Variants in PTH2R observed in about 807,000 individuals in gnomAD.
PTH2R encodes the protein parathyroid hormone 2 receptor, also known as PTH2 receptor.
In PTH2R, 59 loss-of-function variants were observed where a neutral mutation model predicts 60.3. The observed-to-expected ratio is 0.98, with a 90% CI of 0.79 to 1.22. The LOEUF is 1.22. Among genes scored for constraint, PTH2R ranks in the 50% most tolerant of loss-of-function variants. PTH2R has a pLI of 0.00. For synonymous variants in PTH2R, 256 were observed against 243.8 expected (o/e 1.05, Z -0.47); for missense variants, 749 against 682.6 (o/e 1.10, Z -1.08).
chr2:208,476,303 T>C (rs1443150924), intron 9 of PTH2R, among the ~76,000 whole-genome samples: 1 of 152,198 alleles, frequency 6.6e-6, no homozygotes, highest in African/African-American at 2.4e-5. Flanking sequence ...TAAAATTTAA[T>C]CTCTGATCAT....
intron 2 of PTH2R, among the ~76,000 whole-genome samples, chr2:208,435,310 A>G (rs553660634): frequency 1.1e-4 from 16 of 152,322 alleles, no homozygotes; most frequent in African/African-American, 3.4e-4. Flanking sequence ...CCCTCCAAGG[A>G]TGTCCATGCC....
At chr2:208,362,109 C>T (rs1346788850) in intron 1 of PTH2R, among the ~76,000 whole-genome samples, 1 of 152,230 alleles carries the variant, frequency 6.6e-6, no homozygotes, top group African/African-American at 2.4e-5. Context: ...TGCCATCAGA[C>T]ATCAGAGCTT....
At chr2:208,365,942 ATATATATATATATATATATTTTTT>A (rs1700574416) in intron 1 of PTH2R, among the ~76,000 whole-genome samples, 5 of 14,712 alleles carry the variant, frequency 3.4e-4, no homozygotes, top group African/African-American at 8.5e-4. Context: ...ATATATATAT[ATATATATATATATATATATTTTTT>A]TTTTTTTTTT....
intron 9 of PTH2R, among the ~76,000 whole-genome samples, chr2:208,467,930 A>G (rs1481577995): frequency 6.6e-6 from 1 of 152,200 alleles, no homozygotes; most frequent in East Asian, 1.9e-4. Flanking sequence ...AGGAAAGTGA[A>G]ATCTCTTCCC....
At chr2:208,367,604 A>G (rs1241963802) in intron 1 of PTH2R, among the ~76,000 whole-genome samples, 1 of 151,946 alleles carries the variant, frequency 6.6e-6, no homozygotes, top group African/African-American at 2.4e-5. Context: ...TCCTGACCTC[A>G]GGTGATCTGC....
chr2:208,468,889 CA>C (rs1364798711), intron 9 of PTH2R, among the ~76,000 whole-genome samples: 1 of 152,026 alleles, frequency 6.6e-6, no homozygotes, highest in Non-Finnish European at 1.5e-5. Flanking sequence ...ACAGAATGAC[CA>C]CTCAATAAAT....
intron 1 of PTH2R, among the ~76,000 whole-genome samples, chr2:208,418,176 TAGA>T (rs1258615492): frequency 2.0e-5 from 3 of 151,806 alleles, no homozygotes; most frequent in Admixed American, 6.6e-5. Context: ...TAGAAATGAA[TAGA>T]AGAATTATGC....
chr2:208,453,221 C>T (rs1186621141), intron 8 of PTH2R, among the ~76,000 whole-genome samples: 1 of 152,140 alleles, frequency 6.6e-6, no homozygotes, highest in African/African-American at 2.4e-5. Context: ...CAACAATTCC[C>T]ATTTTTTGTT....
chr2:208,368,461 C>T (rs1276077853), intron 1 of PTH2R, among the ~76,000 whole-genome samples: 1 of 152,186 alleles, frequency 6.6e-6, no homozygotes. Flanking sequence ...TGCTGTTCCT[C>T]TACATTGGTA....
chr2:208,480,641 C>A (rs1292711344), intron 9 of PTH2R, among the ~76,000 whole-genome samples: 6 of 152,174 alleles, frequency 3.9e-5, no homozygotes, highest in African/African-American at 7.2e-5. Context: ...TCACCCAATA[C>A]TTTTCATACA....
At position 208,397,528 on chromosome 2, in the gene PTH2R, A is replaced by C. The variant is rs934882356; in HGVS notation, c.-258-30673A>C. ...GTGGCTTTAGGGAGTGGAGAATTGTAATAGGCAAGAAAGAAGGAAGAGGCT... is the reference window on the plus strand; with the variant it reads ...GTGGCTTTAGGGAGTGGAGAATTGTCATAGGCAAGAAAGAAGGAAGAGGCT... On this transcript the variant is annotated intron_variant, in intron 1 of 12. Transcript: ENST00000617735. 3.3e-5 allele frequency among the ~76,000 whole-genome samples: 5 copies of C among 152,284 alleles called. No homozygotes were observed. The East Asian group carries it at 7.7e-4, about 24-fold the overall frequency.
intron 1 of PTH2R, among the ~76,000 whole-genome samples, chr2:208,368,603 A>T (rs1401804903): frequency 6.6e-6 from 1 of 152,158 alleles, no homozygotes; most frequent in Non-Finnish European, 1.5e-5. Context: ...TGGCCACCTT[A>T]AATAGTTAAT....
At chr2:208,420,541 T>G (rs1676328595) in intron 1 of PTH2R, among the ~76,000 whole-genome samples, 2 of 152,190 alleles carry the variant, frequency 1.3e-5, no homozygotes, top group Non-Finnish European at 2.9e-5. Context: ...ATAATTAACT[T>G]AAAATTTAAT....
intron 9 of PTH2R, among the ~76,000 whole-genome samples, chr2:208,477,334 G>A (rs139008013): frequency 2.5e-4 from 38 of 152,306 alleles, no homozygotes; most frequent in African/African-American, 8.9e-4. Flanking sequence ...GAGAGTAAAC[G>A]ATCCAGGCAA....
chr2:208,480,769 C>G (rs1276396832), intron 9 of PTH2R, among the ~76,000 whole-genome samples: 2 of 152,126 alleles, frequency 1.3e-5, no homozygotes, highest in Non-Finnish European at 2.9e-5. Context: ...AACTATTACC[C>G]TTTGTCCTGC....
intron 8 of PTH2R, among the ~76,000 whole-genome samples, chr2:208,453,946 GA>G (rs1320774216): frequency 6.6e-6 from 1 of 152,046 alleles, no homozygotes; most frequent in African/African-American, 2.4e-5. Context: ...TATATAAACA[GA>G]AAAAAATCTT....
chr2:208,397,177 G>T (rs1047851207), intron 1 of PTH2R, among the ~76,000 whole-genome samples: 3 of 151,970 alleles, frequency 2.0e-5, no homozygotes, highest in African/African-American at 7.2e-5. Flanking sequence ...CTGGGGGAGG[G>T]ATAGCATTAG....
chr2:208,493,792 C>T lies in PTH2R; in HGVS notation c.*133C>T, dbSNP rs535273165. 1.9e-6 allele frequency: 2 copies of T among 1,036,290 alleles called. No individual in the cohort carries two copies. The highest frequency in any genetic ancestry group is 2.7e-6 in the Non-Finnish European group (2 of 749,248). The allele number at this position is 1,036,290 out of a possible 1,614,324, so 64.2% of individuals were successfully genotyped here. A position where few individuals can be genotyped will look rare whatever the true frequency, so the allele number is the denominator to read the frequency against. On this transcript the variant is annotated 3_prime_UTR_variant, in exon 13 of 13. Coordinates refer to ENST00000272847, the MANE Select transcript of PTH2R (RefSeq NM_005048.4). ...GTGTTACTTAATAATAGTTTTTAGGCTCCATGAATTGGCTCCTGTAAATAC... is the reference window on the plus strand; with the variant it reads ...GTGTTACTTAATAATAGTTTTTAGGTTCCATGAATTGGCTCCTGTAAATAC...
chr2:208,409,107 G>T (rs950663806), intron 1 of PTH2R, among the ~76,000 whole-genome samples: 1 of 152,022 alleles, frequency 6.6e-6, no homozygotes, highest in Admixed American at 6.6e-5. Flanking sequence ...TGCTTTACAC[G>T]GATTTCCATT....
Sources: gnomAD v4.1 joint callset for allele counts (sites outside exome capture counted in the v4.1 genomes callset) on GRCh38, gnomAD v4.1.1 for gene constraint, MANE v1.5 for transcripts, NCBI Gene and HGNC (gene_info 2026-07-23, HGNC 2026-07-21) for gene names.